GRIP1: variants seen among roughly 807,000 people sequenced by gnomAD.
GRIP1 encodes the protein glutamate receptor-interacting protein 1.
In GRIP1, 45 loss-of-function variants were observed where a neutral mutation model predicts 129.9. The ratio of observed to expected loss-of-function variants is 0.35; its 90% CI spans 0.27 to 0.44. The LOEUF (loss-of-function observed/expected upper bound fraction) is 0.44. Ranked by LOEUF, GRIP1 falls within the 20% of genes least tolerant of loss-of-function variation. GRIP1 has a pLI of 1.00. For missense variants in GRIP1, 1,196 were observed against 1,396.8 expected (o/e 0.86, Z 2.29); for synonymous variants, 530 against 520.8 (o/e 1.02, Z -0.24).
rs762584635 is a variant in GRIP1 at position 66,406,379 on chromosome 12, G to A, written c.1888C>T (p.Arg630Trp). 3.1e-6 allele frequency: 5 copies of A among 1,613,832 alleles called. No individual in the cohort carries two copies. The highest frequency in any genetic ancestry group is 2.2e-5 in the South Asian group (2 of 91,076). The change falls in exon 16 of 25, where the codon CGG becomes TGG. Residue 630 changes from arginine to tryptophan, a missense_variant. By Grantham distance (101) the Arg-to-Trp change is moderately radical. Transcript: ENST00000359742. ...GDKLLAIDNI[R>W]LDNCSMEDAV... is the part of the protein sequence containing the mutation. ...TCTTCCATGGAACAGTTGTCCAGCCGGATATTATCTATTGCGAGCAATTTA... is the reference window on the plus strand; with the variant it reads ...TCTTCCATGGAACAGTTGTCCAGCCAGATATTATCTATTGCGAGCAATTTA...
At chr12:67,065,753 A>T (rs1252699299) in intron 1 of GRIP1, among the ~76,000 whole-genome samples, 1 of 152,224 alleles carries the variant, frequency 6.6e-6, no homozygotes, top group Non-Finnish European at 1.5e-5. Flanking sequence ...AAAGAAAAGC[A>T]TCATTAATTA....
chr12:66,968,529 ACT>A (rs777306773), intron 1 of GRIP1, among the ~76,000 whole-genome samples: 5 of 151,990 alleles, frequency 3.3e-5, no homozygotes, highest in Admixed American at 1.3e-4. Context: ...ATTTCTTTTA[ACT>A]TTTTTAGTGG....
At chr12:66,820,799 GA>G in intron 1 of GRIP1, among the ~76,000 whole-genome samples, 1 of 151,670 alleles carries the variant, frequency 6.6e-6, no homozygotes, top group African/African-American at 2.4e-5. Context: ...TTGGGAAAAG[GA>G]AAAACTAGGG....
intron 1 of GRIP1, among the ~76,000 whole-genome samples, chr12:66,677,540 TC>T (rs2034394599): frequency 6.6e-6 from 1 of 152,178 alleles, no homozygotes; most frequent in African/African-American, 2.4e-5. Context: ...AAATTGTACG[TC>T]TGTACCAATT....
At chr12:66,362,018 T>C (rs894464726) in intron 23 of GRIP1, among the ~76,000 whole-genome samples, 1 of 151,832 alleles carries the variant, frequency 6.6e-6, no homozygotes, top group Non-Finnish European at 1.5e-5. Flanking sequence ...TGATTTTATT[T>C]CCCCACTGTA....
chr12:66,504,729 G>A (rs947115822), intron 7 of GRIP1, among the ~76,000 whole-genome samples: 4 of 152,128 alleles, frequency 2.6e-5, no homozygotes, highest in Admixed American at 6.6e-5. Context: ...ACATAGTTTT[G>A]TGATACTTTA....
At chr12:66,514,057 G>C (rs907983414) in intron 7 of GRIP1, among the ~76,000 whole-genome samples, 1 of 152,132 alleles carries the variant, frequency 6.6e-6, no homozygotes, top group African/African-American at 2.4e-5. Flanking sequence ...ACCTGTGCCT[G>C]CCCTTATTCC....
At chr12:66,468,996 T>C (rs1042296695) in intron 7 of GRIP1, among the ~76,000 whole-genome samples, 10 of 152,222 alleles carry the variant, frequency 6.6e-5, no homozygotes, top group Non-Finnish European at 1.2e-4. Context: ...ATTTGGGGGA[T>C]GCAAATATGC....
intron 1 of GRIP1, among the ~76,000 whole-genome samples, chr12:66,764,078 G>A (rs1439518078): frequency 6.6e-6 from 1 of 152,176 alleles, no homozygotes; most frequent in Non-Finnish European, 1.5e-5. Flanking sequence ...AAAGTGATGT[G>A]GACCATGCAG....
At chr12:66,462,391 T>C (rs2059159529) in intron 9 of GRIP1, among the ~76,000 whole-genome samples, 1 of 152,190 alleles carries the variant, frequency 6.6e-6, no homozygotes, top group African/African-American at 2.4e-5. Flanking sequence ...AGGCTGGAAA[T>C]TCAAAATGTA....
At chr12:66,433,701 T>G (rs1313304255) in intron 13 of GRIP1, among the ~76,000 whole-genome samples, 1 of 152,242 alleles carries the variant, frequency 6.6e-6, no homozygotes, top group Admixed American at 6.5e-5. Flanking sequence ...ATTGAAGAGA[T>G]AGCATCTATT....
chr12:66,361,181 G>T (rs1048171619), intron 23 of GRIP1, among the ~76,000 whole-genome samples: 1 of 152,182 alleles, frequency 6.6e-6, no homozygotes, highest in Non-Finnish European at 1.5e-5. Flanking sequence ...AAACTCAGGG[G>T]TTTTGAGAGG....
intron 1 of GRIP1, among the ~76,000 whole-genome samples, chr12:66,693,706 T>C (rs1304920367): frequency 6.6e-6 from 1 of 152,256 alleles, no homozygotes; most frequent in East Asian, 1.9e-4. Flanking sequence ...AGCCCATTCA[T>C]GAAAAAATTT....
At chr12:66,861,782 C>G (rs2040116763) in intron 1 of GRIP1, among the ~76,000 whole-genome samples, 1 of 152,094 alleles carries the variant, frequency 6.6e-6, no homozygotes, top group Non-Finnish European at 1.5e-5. Flanking sequence ...CTTCTGAAAA[C>G]AGGCTCCTCT....
rs573697337 is a variant in GRIP1, at chr12:67,035,466, T to A, written c.58+33584A>T. 3 of 152,300 alleles carry A rather than the reference T, an allele frequency of 2.0e-5. No homozygotes were observed. In the South Asian group the frequency reaches 6.2e-4, roughly 32 times the overall value. The allele number at this position is 152,300 out of a possible 1,614,324, so 9.4% of individuals were successfully genotyped here. A position where few individuals can be genotyped will look rare whatever the true frequency, so the allele number is the denominator to read the frequency against. ...GTCTGAGTAGTATTTTATCAGGCTA[T>A]TATTAGTTTTAATGTTGTAATTAGA... is the stretch of plus-strand genomic sequence containing the variant. On this transcript the variant is annotated intron_variant, in intron 1 of 1. Transcript: ENST00000643019.
At chr12:66,974,006 T>G in intron 1 of GRIP1, among the ~76,000 whole-genome samples, 1 of 142,398 alleles carries the variant, frequency 7.0e-6, no homozygotes, top group Non-Finnish European at 1.5e-5. Context: ...CACTGCAACC[T>G]CCGCCTCCCT....
intron 4 of GRIP1, among the ~76,000 whole-genome samples, chr12:66,537,749 T>G (rs1166824497): frequency 2.0e-5 from 3 of 152,142 alleles, no homozygotes; most frequent in Admixed American, 2.0e-4. Flanking sequence ...ATTTCATTGT[T>G]AGTGATGCCT....
chr12:66,392,984 T>A (rs1201075916), intron 17 of GRIP1, among the ~76,000 whole-genome samples, 168 bp from the exon 18 acceptor site: 3 of 152,148 alleles, frequency 2.0e-5, no homozygotes, highest in African/African-American at 7.2e-5. Context: ...CTGCATCTGT[T>A]GTGGATTACT....
intron 2 of GRIP1, among the ~76,000 whole-genome samples, chr12:66,589,238 C>G (rs2063763575): frequency 7.2e-6 from 1 of 138,652 alleles, no homozygotes; most frequent in Non-Finnish European, 1.5e-5. Flanking sequence ...GTCTGTCTGT[C>G]TCTCTCTCTC....
Sources: gnomAD v4.1 joint callset for allele counts (sites outside exome capture counted in the v4.1 genomes callset) on GRCh38, gnomAD v4.1.1 for gene constraint, MANE v1.5 for transcripts, NCBI Gene and HGNC (gene_info 2026-07-23, HGNC 2026-07-21) for gene names.